NRG1: variants seen among roughly 807,000 people sequenced by gnomAD.
NRG1 encodes neuregulin 1.
Under a neutral mutation model 63.8 loss-of-function variants are expected in NRG1, and 18 were observed. The ratio of observed to expected loss-of-function variants is 0.28; its 90% CI spans 0.19 to 0.42. NRG1 has a LOEUF of 0.42. Ranked by LOEUF, NRG1 falls within the 10% of genes least tolerant of loss-of-function variation. The pLI is 1.00. For missense variants in NRG1, 762 were observed against 814.7 expected (o/e 0.94, Z 0.79); for synonymous variants, 302 against 301.3 (o/e 1.00, Z -0.02).
chr8:31,784,248 A>G (rs1158808061), intron 1 of NRG1, among the ~76,000 whole-genome samples: 2 of 152,208 alleles, frequency 1.3e-5, no homozygotes, highest in Admixed American at 1.3e-4. Flanking sequence ...ACTGTCATCA[A>G]ATTAACTATC....
chr8:31,940,226 T>C (rs915568804), intron 1 of NRG1, among the ~76,000 whole-genome samples: 1 of 152,030 alleles, frequency 6.6e-6, no homozygotes, highest in African/African-American at 2.4e-5. Context: ...TGGAATAAAA[T>C]TGCAAATCAA....
intron 7 of NRG1, 63 bp from the exon 8 acceptor site, chr8:32,754,309 G>A: frequency 2.8e-6 from 4 of 1,414,112 alleles, no homozygotes; most frequent in South Asian, 1.2e-5. Flanking sequence ...CCACTGTTTG[G>A]TTGTAGTCAG....
rs1038309719 is a variant in NRG1 at position 32,482,329 on chromosome 8, A to T, written c.38-113499A>T. Among the ~76,000 whole-genome samples, 3 of 152,056 alleles carry T rather than the reference A, an allele frequency of 2.0e-5. No individual in the cohort carries two copies. In the East Asian group the frequency reaches 5.8e-4, roughly 29 times the overall value. On this transcript the variant is annotated intron_variant, in intron 1 of 10. Coordinates refer to the NRG1 transcript ENST00000519301. ...TTATACAATCAGCTCTTGCTAGAAAATGATGATCATTGACATTACCCTTAT... is the reference window on the plus strand; with the variant it reads ...TTATACAATCAGCTCTTGCTAGAAATTGATGATCATTGACATTACCCTTAT...
At position 31,928,320 on chromosome 8, in the gene NRG1, G is replaced by A. The variant is rs1463688984; in HGVS notation, c.37+288889G>A. ...CAGCCAGAATGGCGATTAGTGAAAA[G>A]TCAAAAAACATAGATTTTGGCATGG... On this transcript the variant is annotated intron_variant, in intron 1 of 10. Coordinates refer to the NRG1 transcript ENST00000519301. Among the ~76,000 whole-genome samples the A allele has an allele frequency of 4.4e-5, 3 of 68,810 alleles. No homozygotes were observed. In the Admixed American group the frequency reaches 5.5e-4, roughly 13 times the overall value. 45.1% of individuals were successfully genotyped at this position (68,810 alleles called of 152,430 possible).
intron 5 of NRG1, among the ~76,000 whole-genome samples, chr8:32,670,891 T>C (rs560166836): frequency 1.3e-5 from 2 of 152,276 alleles, no homozygotes; most frequent in South Asian, 4.1e-4. Flanking sequence ...CAAAGCATCA[T>C]GTTGTGCCCT....
chr8:32,198,169 TTTTG>T (rs370145308), intron 1 of NRG1, among the ~76,000 whole-genome samples: 36 of 152,242 alleles, frequency 2.4e-4, no homozygotes, highest in South Asian at 6.2e-4. Context: ...TTGTTTCCTT[TTTTG>T]TTTGTTTGTT....
chr8:32,701,316 T>G (rs1814817318), intron 5 of NRG1, among the ~76,000 whole-genome samples: 2 of 152,214 alleles, frequency 1.3e-5, no homozygotes, highest in African/African-American at 4.8e-5. Context: ...AAATCTGAAC[T>G]ATTTTATTTT....
At chr8:32,598,336 G>A (rs1843713605) in intron 2 of NRG1, among the ~76,000 whole-genome samples, 1 of 151,064 alleles carries the variant, frequency 6.6e-6, no homozygotes, top group Non-Finnish European at 1.5e-5. Context: ...AGAAGCAAAT[G>A]AAGTTCGGTA....
chr8:31,845,693 C>T (rs144601859), intron 1 of NRG1, among the ~76,000 whole-genome samples: 91 of 152,010 alleles, frequency 6.0e-4, no homozygotes, highest in Non-Finnish European at 9.1e-4. Flanking sequence ...TTTGGGTGTT[C>T]AGGAGGGCAA....
chr8:32,487,823 C>T (rs556841193), intron 1 of NRG1, among the ~76,000 whole-genome samples: 42 of 152,258 alleles, frequency 2.8e-4, no homozygotes, highest in African/African-American at 7.5e-4. Context: ...AACTCGTTAC[C>T]GTCCCTTTCA....
chr8:32,688,224 A>G (rs914509939), intron 5 of NRG1, among the ~76,000 whole-genome samples: 4 of 152,212 alleles, frequency 2.6e-5, no homozygotes, highest in African/African-American at 9.6e-5. Context: ...ATACGTACGA[A>G]ACATGCAGCT....
intron 1 of NRG1, among the ~76,000 whole-genome samples, chr8:31,705,726 G>A (rs1445373209): frequency 2.6e-5 from 4 of 152,070 alleles, no homozygotes; most frequent in Non-Finnish European, 4.4e-5. Flanking sequence ...GGGGAGATAG[G>A]ATTTTCACCT....
intron 1 of NRG1, among the ~76,000 whole-genome samples, chr8:32,193,035 A>C (rs1842642763): frequency 1.3e-5 from 2 of 152,176 alleles, no homozygotes; most frequent in Non-Finnish European, 2.9e-5. Flanking sequence ...TGCCTGGTGC[A>C]TATATAAATG....
intron 1 of NRG1, among the ~76,000 whole-genome samples, chr8:31,951,041 T>C (rs1017609600): frequency 6.6e-6 from 1 of 152,228 alleles, no homozygotes; most frequent in Admixed American, 6.5e-5. Flanking sequence ...ATTAACTTCA[T>C]GGTCATATTT....
chr8:32,328,383 A>G (rs1180700883), intron 1 of NRG1, among the ~76,000 whole-genome samples: 1 of 152,146 alleles, frequency 6.6e-6, no homozygotes, highest in African/African-American at 2.4e-5. Flanking sequence ...TAAAAAGAAT[A>G]ATAGTATAAA....
At chr8:31,765,050 T>C (rs1290754452) in intron 1 of NRG1, among the ~76,000 whole-genome samples, 1 of 152,092 alleles carries the variant, frequency 6.6e-6, no homozygotes, top group Non-Finnish European at 1.5e-5. Flanking sequence ...AAGTTAGAAC[T>C]ATTGTTATAT....
chr8:32,313,371 C>G (rs1178383638), intron 1 of NRG1, among the ~76,000 whole-genome samples: 2 of 152,096 alleles, frequency 1.3e-5, no homozygotes, highest in Admixed American at 6.6e-5. Context: ...TCAGCTGTCC[C>G]AGAATAGCTT....
At chr8:32,389,378 C>G (rs894129905) in intron 1 of NRG1, among the ~76,000 whole-genome samples, 3 of 152,224 alleles carry the variant, frequency 2.0e-5, no homozygotes, top group Non-Finnish European at 4.4e-5. Context: ...TGTGGGAGAC[C>G]TAGTCGCAGG....
chr8:32,732,088 G>A (rs1447575016), intron 6 of NRG1, among the ~76,000 whole-genome samples: 1 of 152,236 alleles, frequency 6.6e-6, no homozygotes, highest in Non-Finnish European at 1.5e-5. Context: ...CTTCTCTGAG[G>A]AGAGGTTTCC....
Sources: gnomAD v4.1 joint callset for allele counts (sites outside exome capture counted in the v4.1 genomes callset) on GRCh38, gnomAD v4.1.1 for gene constraint, MANE v1.5 for transcripts, NCBI Gene and HGNC (gene_info 2026-07-23, HGNC 2026-07-21) for gene names.